UBR3: variants seen among roughly 807,000 people sequenced by gnomAD.
UBR3 encodes ubiquitin protein ligase E3 component n-recognin 3, also known as E3 ubiquitin-protein ligase UBR3.
In UBR3, 85 loss-of-function variants were observed where a neutral mutation model predicts 243.2. The ratio of observed to expected loss-of-function variants is 0.35; its 90% CI spans 0.29 to 0.42. The LOEUF is 0.42. Ranked by LOEUF, UBR3 falls within the 10% of genes least tolerant of loss-of-function variation. UBR3 has a pLI of 1.00. For synonymous variants in UBR3, 748 were observed against 799.8 expected (o/e 0.94, Z 1.09); for missense variants, 1,686 against 2,300.8 (o/e 0.73, Z 5.47).
intron 35 of UBR3, among the ~76,000 whole-genome samples, chr2:170,062,159 G>A (rs1401331690): frequency 6.6e-6 from 1 of 152,154 alleles, no homozygotes; most frequent in African/African-American, 2.4e-5. Context: ...GTATTAAAAT[G>A]GGTGAATGAA....
At chr2:169,927,262 T>C in intron 16 of UBR3, 58 bp from the exon 17 acceptor site, 1 of 1,450,918 alleles carries the variant, frequency 6.9e-7, no homozygotes, top group South Asian at 1.3e-5. Flanking sequence ...GTGGTAAGTT[T>C]TTTTCTTTAT....
At chr2:169,977,146 A>G (rs752458209) in intron 24 of UBR3, among the ~76,000 whole-genome samples, 1 of 152,056 alleles carries the variant, frequency 6.6e-6, no homozygotes, top group African/African-American at 2.4e-5. Flanking sequence ...ATTGAATTAT[A>G]TATCTGTATT....
intron 23 of UBR3, among the ~76,000 whole-genome samples, 191 bp downstream of exon 23, chr2:169,950,256 G>C (rs991057000): frequency 6.6e-6 from 1 of 152,062 alleles, no homozygotes; most frequent in Non-Finnish European, 1.5e-5. Flanking sequence ...TGATGGACAG[G>C]TGAGACTTTC....
intron 23 of UBR3, among the ~76,000 whole-genome samples, chr2:169,957,969 A>G (rs909037408): frequency 8.5e-5 from 13 of 152,164 alleles, no homozygotes; most frequent in South Asian, 4.1e-4. Flanking sequence ...GGAGAGGCCT[A>G]TTCTTAGGGT....
intron 5 of UBR3, among the ~76,000 whole-genome samples, chr2:169,881,962 A>ATAT (rs1382738573): frequency 2.0e-5 from 2 of 99,268 alleles, no homozygotes; most frequent in Non-Finnish European, 4.4e-5. Context: ...ATGTATACAT[A>ATAT]CATATGTAAT....
In UBR3 at chr2:169,906,149, A is replaced by C; in HGVS notation, c.1764A>C (p.Ser588=). Residue 588 remains serine, a synonymous_variant, in exon 10 of 39, where the codon TCA becomes TCC. Transcript: ENST00000272793. ...ACAQPMWGLL[S]HCKVRETQEY... Reference sequence around the variant, plus strand: ...CACAGCCAATGTGGGGGCTTTTATCACATTGTAAAGTTAGGGTATGTTGGA... The same window carrying C: ...CACAGCCAATGTGGGGGCTTTTATCCCATTGTAAAGTTAGGGTATGTTGGA... The C allele has an allele frequency of 1.3e-6, 2 of 1,544,776 alleles. No individual in the cohort carries two copies. Among genetic ancestry groups the C allele is most frequent in the Non-Finnish European group, 1.7e-6 (2 of 1,145,222 alleles).
chr2:169,944,093 A>T (rs62170350), intron 20 of UBR3, among the ~76,000 whole-genome samples: 9,917 of 152,276 alleles, frequency 0.065, 341 homozygotes, highest in Non-Finnish European at 0.084. Flanking sequence ...AATGTAGAAT[A>T]TCTTTTTGTA....
At chr2:170,014,058 A>G (rs1392244193) in intron 29 of UBR3, 1 of 378,040 alleles carries the variant, frequency 2.6e-6, no homozygotes, top group Non-Finnish European at 5.6e-6. Context: ...TATCAGCAGC[A>G]ACCAGATGGA....
At chr2:169,971,328 G>T (rs1574313060) in intron 24 of UBR3, among the ~76,000 whole-genome samples, 2 of 151,424 alleles carry the variant, frequency 1.3e-5, no homozygotes, top group African/African-American at 4.8e-5. Context: ...TCTTTAGTTT[G>T]ATTAGATCCC....
chr2:169,979,766 G>T (rs968919687), intron 24 of UBR3, among the ~76,000 whole-genome samples: 1 of 152,170 alleles, frequency 6.6e-6, no homozygotes, highest in Non-Finnish European at 1.5e-5. Flanking sequence ...AATGAAACAT[G>T]GGAGTTTTTT....
chr2:169,891,701 T>A (rs1668166101), intron 6 of UBR3, among the ~76,000 whole-genome samples: 1 of 151,994 alleles, frequency 6.6e-6, no homozygotes, highest in African/African-American at 2.4e-5. Flanking sequence ...ATGTGTTTAC[T>A]CAAAGGAGAA....
intron 32 of UBR3, among the ~76,000 whole-genome samples, chr2:170,042,485 TC>T (rs1171546143): frequency 6.6e-6 from 1 of 152,004 alleles, no homozygotes; most frequent in Non-Finnish European, 1.5e-5. Flanking sequence ...GACCAGGAGC[TC>T]ATGACCAGCC....
At chr2:169,877,070 C>T (rs375034436) in intron 3 of UBR3, among the ~76,000 whole-genome samples, 7 of 152,218 alleles carry the variant, frequency 4.6e-5, no homozygotes, top group African/African-American at 1.7e-4. Flanking sequence ...TTCCCAAGCA[C>T]TCTGCTTTCG....
intron 24 of UBR3, among the ~76,000 whole-genome samples, chr2:169,978,176 A>G (rs1427258767): frequency 6.6e-6 from 1 of 152,048 alleles, no homozygotes; most frequent in Admixed American, 6.6e-5. Context: ...GGCTCCGCCT[A>G]TTCTCATTTT....
At chr2:169,871,231 C>T (rs1456969373) in intron 1 of UBR3, among the ~76,000 whole-genome samples, 1 of 151,656 alleles carries the variant, frequency 6.6e-6, no homozygotes, top group African/African-American at 2.4e-5. Flanking sequence ...GCTGGAGGAT[C>T]GCTTGAGGCC....
chr2:170,000,994 T>C (rs898317780), intron 26 of UBR3, among the ~76,000 whole-genome samples: 1 of 152,202 alleles, frequency 6.6e-6, no homozygotes, highest in Non-Finnish European at 1.5e-5. Context: ...AGCAACAGTA[T>C]AGTTCATACT....
At chr2:169,975,263 T>G (rs1488185066) in intron 24 of UBR3, among the ~76,000 whole-genome samples, 1 of 152,206 alleles carries the variant, frequency 6.6e-6, no homozygotes, top group Non-Finnish European at 1.5e-5. Context: ...TTTGTACAGT[T>G]TCAAAAGTTC....
intron 36 of UBR3, chr2:170,077,383 A>G (rs2091831849): frequency 5.5e-6 from 6 of 1,082,500 alleles, no homozygotes; most frequent in South Asian, 4.2e-5. Context: ...AGTTATATAC[A>G]TTGGGAATGA....
At chr2:169,865,910 G>A (rs552935982) in intron 1 of UBR3, among the ~76,000 whole-genome samples, 1 of 152,094 alleles carries the variant, frequency 6.6e-6, no homozygotes, top group African/African-American at 2.4e-5. Flanking sequence ...AGCACTTTGG[G>A]AAGCTGAGGC....
Sources: allele counts gnomAD v4.1 joint callset (sites outside exome capture counted in the v4.1 genomes callset), GRCh38; gene constraint gnomAD v4.1.1; transcripts MANE v1.5; gene names NCBI Gene and HGNC (gene_info 2026-07-23, HGNC 2026-07-21).